The following IL17RD variants were observed in gnomAD, a reference collection of about 807,000 sequenced individuals.
IL17RD encodes interleukin-17 receptor D.
In IL17RD, 52 loss-of-function variants were observed where a neutral mutation model predicts 80.5. The observed-to-expected ratio is 0.65, with a 90% confidence interval of 0.52 to 0.81. IL17RD has a LOEUF of 0.81. Ranked by LOEUF, IL17RD falls within the 40% of genes least tolerant of loss-of-function variation. The pLI, the probability that IL17RD is intolerant of heterozygous loss-of-function variation, is 0.00. For synonymous variants in IL17RD, 416 were observed against 391.8 expected, an observed-to-expected ratio of 1.06 and a Z score of -0.73; for missense variants, 1,024 against 955.1, an observed-to-expected ratio of 1.07 and a Z score of -0.95.
Position 57,127,265 on chromosome 3 carries a change from TATATATAAAA to T in IL17RD, c.127-6962_127-6953del, listed in dbSNP as rs1189706394. On this transcript the variant is annotated intron_variant, in intron 1 of 12. Coordinates refer to ENST00000296318, the MANE Select transcript of IL17RD (RefSeq NM_017563.5). ...AAATATATATATAAATATATATAAA[TATATATAAAA>T]ATATATATAAATATATATAAATATA... Among the ~76,000 whole-genome samples the T allele has an allele frequency of 1.3e-4, 11 of 84,340 alleles. 1 individual carries two copies. Among genetic ancestry groups the T allele is most frequent in the African/African-American group, 3.5e-4 (5 of 14,186 alleles). 55.3% of individuals were successfully genotyped at this position (84,340 alleles called of 152,430 possible).
chr3:57,165,640 AAC>A (rs1160823177), upstream of IL17RD, among the ~76,000 whole-genome samples: 1 of 152,116 alleles, frequency 6.6e-6, no homozygotes, highest in African/African-American at 2.4e-5. Context: ...ACCTGAGGAA[AAC>A]ACAAAGAATG....
intron 2 of IL17RD, among the ~76,000 whole-genome samples, chr3:57,116,413 A>C (rs533049864): frequency 6.6e-6 from 1 of 150,424 alleles, no homozygotes; most frequent in Non-Finnish European, 1.5e-5. Flanking sequence ...CCTCCCGAGT[A>C]GCTGGGATTA....
chr3:57,152,183 G>C (rs908012205), intron 1 of IL17RD, among the ~76,000 whole-genome samples: 1 of 152,066 alleles, frequency 6.6e-6, no homozygotes, highest in Non-Finnish European at 1.5e-5. Flanking sequence ...AAGGCAAGCT[G>C]CCCCCCGCCC....
intron 1 of IL17RD, among the ~76,000 whole-genome samples, chr3:57,125,409 A>G (rs764888457): frequency 6.6e-6 from 1 of 151,488 alleles, no homozygotes; most frequent in Non-Finnish European, 1.5e-5. Context: ...CTCCATCTCT[A>G]AAGAAAAAAA....
chr3:57,120,590 A>C (rs1196869375), intron 1 of IL17RD, among the ~76,000 whole-genome samples: 1 of 152,198 alleles, frequency 6.6e-6, no homozygotes, highest in African/African-American at 2.4e-5. Flanking sequence ...GGGGTTAAAT[A>C]ATAATTCATT....
chr3:57,152,659 T>C (rs553436364), intron 1 of IL17RD, among the ~76,000 whole-genome samples: 1 of 152,376 alleles, frequency 6.6e-6, no homozygotes, highest in African/African-American at 2.4e-5. Context: ...TTACATGTCT[T>C]GGCCCTTAAA....
intron 1 of IL17RD, among the ~76,000 whole-genome samples, chr3:57,123,791 C>G (rs1347143819): frequency 6.6e-6 from 1 of 152,198 alleles, no homozygotes; most frequent in Non-Finnish European, 1.5e-5. Flanking sequence ...CACCTGTAAT[C>G]TCAGCACTTT....
At chr3:57,140,806 T>C (rs922034683) in intron 1 of IL17RD, among the ~76,000 whole-genome samples, 13 of 152,126 alleles carry the variant, frequency 8.5e-5, no homozygotes, top group Admixed American at 8.5e-4. Flanking sequence ...AGTAATATTC[T>C]AGGAAACAGT....
chr3:57,117,984 A>G (rs1279058675), intron 2 of IL17RD, among the ~76,000 whole-genome samples: 1 of 152,228 alleles, frequency 6.6e-6, no homozygotes, highest in Non-Finnish European at 1.5e-5. Context: ...TATTATTAAA[A>G]AAACAGCAAG....
intron 1 of IL17RD, among the ~76,000 whole-genome samples, chr3:57,131,417 A>AG (rs1409794322): frequency 6.6e-6 from 1 of 152,186 alleles, no homozygotes; most frequent in Non-Finnish European, 1.5e-5. Context: ...AGCCAACAGG[A>AG]GTCCCAGGCT....
intron 1 of IL17RD, among the ~76,000 whole-genome samples, chr3:57,140,098 G>C (rs1707801783): frequency 6.6e-6 from 1 of 152,150 alleles, no homozygotes; most frequent in Non-Finnish European, 1.5e-5. Flanking sequence ...GCACCTTAGA[G>C]GCAAGGCTGT....
intron 2 of IL17RD, among the ~76,000 whole-genome samples, chr3:57,119,888 C>G (rs1707296771): frequency 6.6e-6 from 1 of 152,226 alleles, no homozygotes; most frequent in Admixed American, 6.5e-5. Context: ...TAGACATGAG[C>G]TATCCAGTTT....
Position 57,106,135 on chromosome 3 carries a change from C to T in IL17RD, c.570G>A (p.Gln190=). ...AGGGTTTACAAGCTAGATTGTCCGG[C>T]TGTAACAACAGGTCACAGGCTATTA... ...FRTRACDLLL[Q]PDNLACKPFW... The change falls in exon 6 of 13, where the codon CAG becomes CAA. Residue 190 remains glutamine (Q), a synonymous_variant. Coordinates refer to ENST00000296318, the MANE Select transcript of IL17RD (RefSeq NM_017563.5). The T allele has an allele frequency of 6.2e-7, 1 of 1,612,412 alleles. No homozygotes were observed. Among genetic ancestry groups the T allele is most frequent in the Non-Finnish European group, 8.5e-7 (1 of 1,178,762 alleles).
At chr3:57,162,932 C>T (rs2060315472) in intron 1 of IL17RD, among the ~76,000 whole-genome samples, 1 of 152,138 alleles carries the variant, frequency 6.6e-6, no homozygotes, top group South Asian at 2.1e-4. Context: ...TGAGGAGGTA[C>T]CACCTGAACT....
At position 57,098,509 on chromosome 3, in the gene IL17RD, G is replaced by A; in HGVS notation, c.1194C>T (p.Ser398=). Residue 398 remains serine (S), a synonymous_variant, in exon 12 of 13, where the codon AGC becomes AGT. Transcript: ENST00000296318. ...ATTCTCTCTGCCCTTCTCTACAGAG[G>A]CTGAAGTCTTCCCACAGGTCCAGAG... ...EVALDLWEDF[S]LCREGQREWV... is the part of the protein sequence containing the mutation. The A allele has an allele frequency of 5.0e-6, 8 of 1,609,268 alleles. No individual in the cohort carries two copies. The highest frequency in any genetic ancestry group is 2.2e-5 in the East Asian group (1 of 44,802).
At chr3:57,165,471 G>A, upstream of IL17RD, 1 of 291,656 alleles carries the variant, frequency 3.4e-6, no homozygotes, top group African/African-American at 3.3e-5. Flanking sequence ...CCCACAGCCT[G>A]GCCCTCCAGT....
At chr3:57,160,729 C>T (rs2060298291) in intron 1 of IL17RD, among the ~76,000 whole-genome samples, 1 of 152,150 alleles carries the variant, frequency 6.6e-6, no homozygotes, top group East Asian at 1.9e-4. Context: ...TGTGTTCTCC[C>T]CTTCTTTGGA....
chr3:57,156,716 A>C (rs917090789), intron 1 of IL17RD, among the ~76,000 whole-genome samples: 5 of 152,150 alleles, frequency 3.3e-5, no homozygotes. Context: ...TTCTGACAGA[A>C]CATACACAGG....
Position 57,096,185 on chromosome 3 carries a change from G to A in IL17RD, c.*208C>T. 1 of 559,718 alleles carries A rather than the reference G, an allele frequency of 1.8e-6. No individual in the cohort carries two copies. Among genetic ancestry groups the A allele is most frequent in the Non-Finnish European group, 3.2e-6 (1 of 308,670 alleles). The allele number at this position is 559,718 out of a possible 1,614,324, so 34.7% of individuals were successfully genotyped here. A position where few individuals can be genotyped will look rare whatever the true frequency, so the allele number is the denominator to read the frequency against. On this transcript the variant is annotated 3_prime_UTR_variant, in exon 13 of 13. Coordinates refer to ENST00000296318, the MANE Select transcript of IL17RD (RefSeq NM_017563.5). The stretch of plus-strand genomic sequence containing the variant: ...AGACCTTATGGACATGCCTTTCAGA[G>A]CTCCATATCATTTTAGAAAATTGGA...
Sources: allele counts gnomAD v4.1 joint callset (sites outside exome capture counted in the v4.1 genomes callset), GRCh38; gene constraint gnomAD v4.1.1; transcripts MANE v1.5; gene names NCBI Gene and HGNC (gene_info 2026-07-23, HGNC 2026-07-21).